The following C11orf65 variants were observed in gnomAD, a reference collection of about 807,000 sequenced individuals.
C11orf65 encodes the protein chromosome 11 open reading frame 65, also known as protein MFI.
A neutral mutation model predicts 35.3 loss-of-function variants in C11orf65; 38 were observed. The observed-to-expected ratio is 1.08, with a 90% CI of 0.83 to 1.41. The LOEUF is 1.41. Ranked by LOEUF, C11orf65 falls within the 40% of genes most tolerant of loss-of-function variation. C11orf65 has a pLI of 0.00. For synonymous variants in C11orf65, 105 were observed against 114.4 expected (o/e 0.92, Z 0.53); for missense variants, 370 against 367.1 (o/e 1.01, Z -0.06).
rs2092550312 is a variant in C11orf65 at position 108,406,849 on chromosome 11, TATGAGATGTATGCTTTG to T, written c.326_342del (p.Ala109GlufsTer2). 1.9e-6 allele frequency: 3 copies of T among 1,612,914 alleles called. No individual in the cohort carries two copies. Among genetic ancestry groups the T allele is most frequent in the Non-Finnish European group, 2.5e-6 (3 of 1,179,202 alleles). ...TCTTCCTGAAGATGATCATTTTTAT[TATGAGATGTATGCTTTG>T]CTGGAAGTTTTGCATAATTTCTAGG... On this transcript the variant is annotated frameshift_variant, in exon 5 of 9. Transcript: ENST00000393084. LOFTEE classifies it high-confidence loss of function.
At chr11:108,358,539 CAGAG>C (rs1381378127) in intron 2 of C11orf65, among the ~76,000 whole-genome samples, 1 of 136,960 alleles carries the variant, frequency 7.3e-6, no homozygotes, top group Non-Finnish European at 1.6e-5. Flanking sequence ...TAAGGGCAGC[CAGAG>C]AGAAAGGTCG....
intron 2 of C11orf65, among the ~76,000 whole-genome samples, chr11:108,437,230 T>C (rs1178545489): frequency 6.6e-6 from 1 of 151,848 alleles, no homozygotes; most frequent in Non-Finnish European, 1.5e-5. Flanking sequence ...GAGGCTACAG[T>C]GAGCTATGAT....
At chr11:108,312,774 C>T (rs2084288610) in intron 6 of C11orf65, among the ~76,000 whole-genome samples, 1 of 152,130 alleles carries the variant, frequency 6.6e-6, no homozygotes, top group Non-Finnish European at 1.5e-5. Context: ...TGCCATAGCA[C>T]CCTGTTCATT....
chr11:108,421,426 C>A (rs1397481192), intron 3 of C11orf65, among the ~76,000 whole-genome samples: 3 of 152,168 alleles, frequency 2.0e-5, no homozygotes, highest in Admixed American at 6.5e-5. Context: ...GAGGCCGAGG[C>A]GAGCGGATCA....
intron 3 of C11orf65, among the ~76,000 whole-genome samples, chr11:108,418,895 G>C (rs1244309983): frequency 6.6e-6 from 1 of 152,060 alleles, no homozygotes; most frequent in African/African-American, 2.4e-5. Context: ...TGAAAATTTA[G>C]ATGAAAACTT....
At chr11:108,406,194 C>G (rs115016219) in intron 5 of C11orf65, among the ~76,000 whole-genome samples, 2,155 of 152,254 alleles carry the variant, frequency 0.014, 23 homozygotes, top group South Asian at 0.027. Context: ...TAAGTCTATC[C>G]CCTGCATCCA....
intron 2 of C11orf65, among the ~76,000 whole-genome samples, chr11:108,371,592 T>C (rs1336734329): frequency 2.0e-5 from 3 of 152,226 alleles, no homozygotes; most frequent in Non-Finnish European, 2.9e-5. Context: ...TGAATAATAT[T>C]CCATTGTGTA....
At position 108,436,997 on chromosome 11, in the gene C11orf65, T is replaced by A. The variant is rs1264565449; in HGVS notation, c.82-5159A>T. Among the ~76,000 whole-genome samples, 4 of 149,958 alleles carry A rather than the reference T, an allele frequency of 2.7e-5. No homozygotes were observed. In the East Asian group the frequency reaches 7.9e-4, roughly 30 times the overall value. The stretch of plus-strand genomic sequence containing the variant: ...TCTTATAAGAAATACTACAGACACA[T>A]CTATAGTTCCAGAACTTTGGGAGGC... On this transcript the variant is annotated intron_variant, in intron 2 of 8. Transcript: ENST00000393084.
chr11:108,401,048 G>A (rs1471212128), intron 6 of C11orf65, among the ~76,000 whole-genome samples: 3 of 152,072 alleles, frequency 2.0e-5, no homozygotes, highest in Non-Finnish European at 4.4e-5. Flanking sequence ...GGCAGAGGTT[G>A]CAGTGAGCCG....
chr11:108,407,230 T>C, intron 3 of C11orf65, 81 bp from the exon 4 acceptor site: 1 of 992,776 alleles, frequency 1.0e-6, no homozygotes, highest in East Asian at 2.7e-5. Flanking sequence ...CTCTATTATT[T>C]TAAATAATTG....
chr11:108,446,415 C>A lies in C11orf65; in HGVS notation c.82-14577G>T, dbSNP rs1454763726. Among the ~76,000 whole-genome samples the A allele has an allele frequency of 3.5e-3, 527 of 151,638 alleles. 4 individuals carry two copies. The highest frequency in any genetic ancestry group is 5.7e-3 in the Non-Finnish European group (384 of 67,964). On this transcript the variant is annotated intron_variant, in intron 2 of 8. Transcript: ENST00000393084. ...GGGTTACCCACAAAGGGAAGCCCAT[C>A]AGACTAACAGCGGATCTCTCAGCAG...
At chr11:108,438,508 G>A (rs1029151817) in intron 2 of C11orf65, among the ~76,000 whole-genome samples, 9 of 151,460 alleles carry the variant, frequency 5.9e-5, no homozygotes, top group African/African-American at 1.9e-4. Context: ...CTGAGATTGA[G>A]TCACTGCACT....
downstream of C11orf65, among the ~76,000 whole-genome samples, chr11:108,381,088 T>G (rs1301883233): frequency 6.6e-6 from 1 of 152,174 alleles, no homozygotes; most frequent in African/African-American, 2.4e-5. Context: ...GACATGCAGC[T>G]AGGTTGGAGC....
At chr11:108,336,199 G>T in intron 2 of C11orf65, 1 of 417,704 alleles carries the variant, frequency 2.4e-6, no homozygotes, top group South Asian at 2.2e-5. Context: ...TAGCTACATG[G>T]GAGGCTGAGG....
chr11:108,457,076 A>T (rs2093418633), intron 2 of C11orf65, among the ~76,000 whole-genome samples: 1 of 152,168 alleles, frequency 6.6e-6, no homozygotes, highest in South Asian at 2.1e-4. Flanking sequence ...ATCATATATA[A>T]TGGGAAGTCA....
chr11:108,393,086 C>T (rs1333033180), intron 7 of C11orf65, 122 bp downstream of exon 7: 3 of 1,061,716 alleles, frequency 2.8e-6, no homozygotes, highest in Admixed American at 2.4e-5. Context: ...ATAATAGATA[C>T]TCGGGTTTTT....
chr11:108,412,614 T>C (rs1309763718), intron 3 of C11orf65, among the ~76,000 whole-genome samples: 1 of 152,170 alleles, frequency 6.6e-6, no homozygotes, highest in East Asian at 1.9e-4. Context: ...CATGCACCAG[T>C]AGTCCCAGCT....
At chr11:108,399,870 G>C (rs2092405389) in intron 6 of C11orf65, among the ~76,000 whole-genome samples, 1 of 152,218 alleles carries the variant, frequency 6.6e-6, no homozygotes, top group Non-Finnish European at 1.5e-5. Context: ...ATCTGGAACA[G>C]ATTTTCAAAT....
At chr11:108,339,353 T>C (rs2087225729) in intron 2 of C11orf65, among the ~76,000 whole-genome samples, 1 of 152,194 alleles carries the variant, frequency 6.6e-6, no homozygotes. Context: ...ATAATTTTTA[T>C]TCCTTGTCAT....
Sources: gnomAD v4.1 joint callset for allele counts (sites outside exome capture counted in the v4.1 genomes callset) on GRCh38, gnomAD v4.1.1 for gene constraint, MANE v1.5 for transcripts, NCBI Gene and HGNC (gene_info 2026-07-23, HGNC 2026-07-21) for gene names.